COASY: variants seen among roughly 807,000 people sequenced by gnomAD.
The protein encoded by COASY is bifunctional coenzyme A synthase.
COASY carries 31 observed loss-of-function variants against 49.4 expected under a neutral mutation model. The observed-to-expected ratio is 0.63, with a 90% confidence interval of 0.47 to 0.85. The LOEUF is 0.85. COASY is among the 40% of genes least tolerant of loss of function. The probability of loss-of-function intolerance (pLI) is 0.00; values close to 1 mark genes in which losing one functional copy is unlikely to be tolerated. For missense variants in COASY, 730 were observed against 734.1 expected (o/e 0.99, Z 0.06); for synonymous variants, 285 against 310.9 (o/e 0.92, Z 0.88).
In COASY at chr17:42,565,836, G is replaced by C. The variant is rs767405706; in HGVS notation, c.1632+31G>C. 9.3e-6 allele frequency: 15 copies of C among 1,613,816 alleles called. No homozygotes were observed. The Admixed American group carries it at 2.0e-4, about 22-fold the overall frequency. ...TGCCCAGGGCAAGGCCGGGTTGTGG[G>C]GAAGGAGTCTCCAGTGGGTACTGCC... On this transcript the variant is annotated intron_variant, in intron 8 of 8. Transcript: ENST00000393818.
At chr17:42,563,348 G>A (rs375318918) in intron 1 of COASY, 26 bp downstream of exon 1, 38 of 1,550,402 alleles carry the variant, frequency 2.5e-5, no homozygotes, top group Non-Finnish European at 3.2e-5. Context: ...CCTGGACTAG[G>A]GTGGAGGATC....
rs763492648 is a variant in COASY, at chr17:42,564,704, C to T, written c.1048-5C>T. 5 of 1,525,856 alleles carry T rather than the reference C, an allele frequency of 3.3e-6. No homozygotes were observed. In the African/African-American group the frequency reaches 4.2e-5, roughly 13 times the overall value. The allele number at this position is 1,525,856 out of a possible 1,614,324, so 94.5% of individuals were successfully genotyped here. On this transcript the variant is annotated splice_region_variant and splice_polypyrimidine_tract_variant and intron_variant, in intron 3 of 8. Coordinates refer to ENST00000393818, the MANE Select transcript of COASY (RefSeq NM_025233.7). ...AACTGTGGGTTCCCTTTCACCTATCCCCAGGAAAGGCCAGAGCTCCCCACA... is the reference window on the plus strand; with the variant it reads ...AACTGTGGGTTCCCTTTCACCTATCTCCAGGAAAGGCCAGAGCTCCCCACA...
chr17:42,565,776 T>C lies in COASY; in HGVS notation c.1603T>C (p.Leu535=). ...VEQSHVVLST[L]WEPHITQRQV... ...ACAGAGCCACGTGGTGCTCAGCACC[T>C]TGTGGGAGCCGCATATCACCCAACG... The change falls in exon 8 of 9, where the codon TTG becomes CTG. Residue 535 remains leucine, a synonymous_variant. Transcript: ENST00000393818. 1 of 1,613,886 alleles carries C rather than the reference T, an allele frequency of 6.2e-7. No individual in the cohort carries two copies.
At chr17:42,564,610 G>A (rs1421917966) in intron 3 of COASY, 33 bp downstream of exon 3, 2 of 1,588,202 alleles carry the variant, frequency 1.3e-6, no homozygotes, top group Admixed American at 3.5e-5. Context: ...CTCCTGCTTG[G>A]TGTCCTGGCA....
At position 42,562,479 on chromosome 17, in the gene COASY, C is replaced by G; in HGVS notation, c.-144C>G. 6.2e-7 allele frequency: 1 copy of G among 1,613,808 alleles called. No individual in the cohort carries two copies. The highest frequency in any genetic ancestry group is 8.5e-7 in the Non-Finnish European group (1 of 1,179,824). ...TACCAGGCCCCGTCCCCTCCCCCGG[C>G]TCCTGTCGGTCAGCACTGAAACCCC... is the stretch of plus-strand genomic sequence containing the variant. On this transcript the variant is annotated 5_prime_UTR_variant, in exon 1 of 9. Transcript: ENST00000393818.
chr17:42,565,096 G>T (rs1196700004), intron 5 of COASY, 49 bp downstream of exon 5: 2 of 1,595,250 alleles, frequency 1.3e-6, no homozygotes, highest in East Asian at 4.5e-5. Context: ...AGACCCAGGG[G>T]TCAGGGTCCA....
At position 42,565,246 on chromosome 17, in the gene COASY, C is replaced by T. The variant is rs767660167; in HGVS notation, c.1322C>T (p.Thr441Met). ...CCCCAGAAGCAGCTGAAGATACTCA[C>T]GGACATTATGTGGCCAATTATCGCA... ...FGNKKQLKIL[T>M]DIMWPIIAKL... The change falls in exon 6 of 9, where the codon ACG (threonine) becomes ATG (methionine). Residue 441 changes from threonine (T) to methionine (M), a missense_variant. Thr to Met is a moderately conservative substitution (Grantham distance 81, BLOSUM62 -1). Transcript: ENST00000393818. 1.4e-5 allele frequency: 22 copies of T among 1,613,994 alleles called. No individual in the cohort carries two copies. In the Admixed American group the frequency reaches 2.0e-4, roughly 15 times the overall value.
Position 42,562,540 on chromosome 17 carries a change from G to T in COASY, c.-83G>T, listed in dbSNP as rs1423793318. On this transcript the variant is annotated 5_prime_UTR_variant, in exon 1 of 9. Transcript: ENST00000393818. Reference sequence around the variant, plus strand: ...CAGGCCTCCTTCTCTGGGGTCCAAGGTCCCATACAGGCCTCTGCCTCGGCC... The same window carrying T: ...CAGGCCTCCTTCTCTGGGGTCCAAGTTCCCATACAGGCCTCTGCCTCGGCC... 5.0e-6 allele frequency: 8 copies of T among 1,607,258 alleles called. No homozygotes were observed. Among genetic ancestry groups the T allele is most frequent in the Non-Finnish European group, 5.9e-6 (7 of 1,177,634 alleles).
At position 42,563,322 on chromosome 17, in the gene COASY, A is replaced by G. The variant is rs1207582740; in HGVS notation, c.700A>G (p.Ser234Gly). ...AGTAGCAGACAAAGATCTGTTGAAG[A>G]GTGAGTAAGAGGGACCCTGGACTAG... ...VGVADKDLLK[S>G]KLLPELLQPY... is the part of the protein sequence containing the mutation. Residue 234 changes from serine (S) to glycine (G), a missense_variant and splice_region_variant, in exon 1 of 9, where the codon AGC (serine) becomes GGC (glycine). Coordinates refer to ENST00000393818, the MANE Select transcript of COASY (RefSeq NM_025233.7). 1 of 1,579,154 alleles carries G rather than the reference A, an allele frequency of 6.3e-7. No homozygotes were observed. Among genetic ancestry groups the G allele is most frequent in the East Asian group, 2.3e-5 (1 of 44,350 alleles).
At chr17:42,563,574 C>T in intron 1 of COASY, 1 of 543,522 alleles carries the variant, frequency 1.8e-6, no homozygotes. Context: ...AGCAAGTTTT[C>T]CAGGTGATAC....
At position 42,562,432 on chromosome 17, in the gene COASY, A is replaced by C. The variant is rs2092979368; in HGVS notation, c.-191A>C. The C allele has an allele frequency of 6.2e-7, 1 of 1,613,882 alleles. No individual in the cohort carries two copies. Among genetic ancestry groups the C allele is most frequent in the Non-Finnish European group, 8.5e-7 (1 of 1,179,852 alleles). ...GAGAAATGAGGACACCAAGGCTTAG[A>C]GCACAGCCCCGAGGCGCCGTCTACC... On this transcript the variant is annotated 5_prime_UTR_variant, in exon 1 of 9. Transcript: ENST00000393818.
intron 5 of COASY, 82 bp downstream of exon 5, chr17:42,565,129 A>T: frequency 6.3e-7 from 1 of 1,587,922 alleles, no homozygotes; most frequent in East Asian, 2.2e-5. Flanking sequence ...GGTCTGGCCC[A>T]GAATGCCATT....
Position 42,564,033 on chromosome 17 carries a change from T to C in COASY, c.773T>C (p.Ile258Thr), listed in dbSNP as rs767662264. The change falls in exon 2 of 9, where the codon ATC becomes ACC. Residue 258 changes from isoleucine to threonine, a missense_variant. By Grantham distance (89) the Ile-to-Thr change is moderately conservative. Transcript: ENST00000393818. ...VEHLSEFLVD[I>T]KPSLTFDVIP... ...CATCTGAGTGAATTCCTGGTGGACA[T>C]CAAGCCCTCCTTGACTTTTGATGTC... is the stretch of plus-strand genomic sequence containing the variant. The C allele has an allele frequency of 3.1e-6, 5 of 1,613,980 alleles. No individual in the cohort carries two copies. The highest frequency in any genetic ancestry group is 2.5e-6 in the Non-Finnish European group (3 of 1,180,008).
In COASY at chr17:42,565,506, C is replaced by T. The variant is rs767160210; in HGVS notation, c.1423C>T (p.Leu475Phe). The T allele has an allele frequency of 4.3e-6, 7 of 1,614,204 alleles. No homozygotes were observed. The Admixed American group carries it at 6.7e-5, about 15-fold the overall frequency. Residue 475 changes from leucine to phenylalanine, a missense_variant, in exon 7 of 9, where the codon CTT becomes TTT. By Grantham distance (22) the Leu-to-Phe change is conservative. Transcript: ENST00000393818. ...GTGTGTGATTGATGCCGCTGTGTTG[C>T]TTGAAGCCGGCTGGCAGAACCTGGT... ...RVCVIDAAVL[L>F]EAGWQNLVHE...
Position 42,562,504 on chromosome 17 carries a change from C to G in COASY, c.-119C>G, listed in dbSNP as rs780177247. ...CTCCTGTCGGTCAGCACTGAAACCCCGTCCCTGCTCCAGGCCTCCTTCTCT... is the reference window on the plus strand; with the variant it reads ...CTCCTGTCGGTCAGCACTGAAACCCGGTCCCTGCTCCAGGCCTCCTTCTCT... On this transcript the variant is annotated 5_prime_UTR_variant, in exon 1 of 9. Coordinates refer to ENST00000393818, the MANE Select transcript of COASY (RefSeq NM_025233.7). 6.2e-7 allele frequency: 1 copy of G among 1,613,446 alleles called. No homozygotes were observed. Among genetic ancestry groups the G allele is most frequent in the Admixed American group, 1.7e-5 (1 of 59,994 alleles).
Position 42,562,559 on chromosome 17 carries a change from CTCGGCCGCAGG to C in COASY, c.-63_-53del. On this transcript the variant is annotated 5_prime_UTR_variant, in exon 1 of 9. Coordinates refer to ENST00000393818, the MANE Select transcript of COASY (RefSeq NM_025233.7). Reference sequence around the variant, plus strand: ...TCCAAGGTCCCATACAGGCCTCTGCCTCGGCCGCAGGCCCTTCAGTCACCGTCGCCTCGTCT... The same window carrying C: ...TCCAAGGTCCCATACAGGCCTCTGCCCCCTTCAGTCACCGTCGCCTCGTCT... 5 of 1,582,060 alleles carry C rather than the reference CTCGGCCGCAGG, an allele frequency of 3.2e-6. No individual in the cohort carries two copies. The highest frequency in any genetic ancestry group is 4.3e-6 in the Non-Finnish European group (5 of 1,165,828).
At position 42,565,760 on chromosome 17, in the gene COASY, C is replaced by T. The variant is rs151074271; in HGVS notation, c.1587C>T (p.His529=). 7.7e-3 allele frequency: 12,400 copies of T among 1,613,942 alleles called. 107 individuals carry two copies. Among genetic ancestry groups the T allele is most frequent in the South Asian group, 0.029 (2,681 of 91,090 alleles). ...MSGQQLVEQS[H]VVLSTLWEPH... ...GGCAGCAGCTTGTGGAACAGAGCCA[C>T]GTGGTGCTCAGCACCTTGTGGGAGC... The change falls in exon 8 of 9, where the codon CAC becomes CAT. Residue 529 remains histidine, a synonymous_variant. Transcript: ENST00000393818.
chr17:42,563,553 A>T (rs1441876542), intron 1 of COASY: 3 of 550,598 alleles, frequency 5.4e-6, no homozygotes, highest in South Asian at 5.0e-5. Context: ...AAGCAAAGGG[A>T]TCTGCATTTT....
Position 42,565,929 on chromosome 17 carries a change from G to A in COASY, c.1656G>A (p.Leu552=). ...AGGTGGAGAAAGCCTGGGCCCTCTT[G>A]CAGAAGCGCATTCCCAAGACTCATC... The part of the protein sequence containing the change: ...QRQVEKAWAL[L]QKRIPKTHQA... The change falls in exon 9 of 9, where the codon TTG becomes TTA. Residue 552 remains leucine (L), a synonymous_variant. Coordinates refer to ENST00000393818, the MANE Select transcript of COASY (RefSeq NM_025233.7). The A allele has an allele frequency of 6.2e-7, 1 of 1,613,930 alleles. No homozygotes were observed. Among genetic ancestry groups the A allele is most frequent in the Middle Eastern group, 1.6e-4 (1 of 6,062 alleles).
Sources: gnomAD v4.1 joint callset for allele counts on GRCh38, gnomAD v4.1.1 for gene constraint, MANE v1.5 for transcripts, NCBI Gene and HGNC (gene_info 2026-07-23, HGNC 2026-07-21) for gene names.